Variants in CEP131 observed in about 807,000 individuals in gnomAD.
CEP131 encodes centrosomal protein 131.
In CEP131, 99 loss-of-function variants were observed where a neutral mutation model predicts 136.8. The observed-to-expected ratio is 0.72, with a 90% CI of 0.62 to 0.86. The LOEUF is 0.86. Ranked by LOEUF, CEP131 falls within the 40% of genes least tolerant of loss-of-function variation. CEP131 has a pLI of 0.00. For missense variants in CEP131, 1,459 were observed against 1,463.0 expected, an observed-to-expected ratio of 1.00 and a Z score of 0.04; for synonymous variants, 646 against 612.7, an observed-to-expected ratio of 1.05 and a Z score of -0.80.
Position 81,198,880 on chromosome 17 carries a change from C to A in CEP131, c.1284G>T (p.Thr428=), listed in dbSNP as rs756636631. ...TGAAGGACAGCTGTGCTCAGACCTG[C>A]GTCCTGTCCTCTGGAGGCTGCTGTG... ...PEPQQPPEDR[T]QDVLAQDAAG... The change falls in exon 11 of 26, where the codon ACG becomes ACT. Residue 428 remains threonine (T), a synonymous_variant. Transcript: ENST00000450824. 2 of 1,583,018 alleles carry A rather than the reference C, an allele frequency of 1.3e-6. No individual in the cohort carries two copies. The highest frequency in any genetic ancestry group is 1.7e-4 in the Middle Eastern group (1 of 6,030).
At chr17:81,192,233 G>C (rs2061655329) in intron 21 of CEP131, 85 bp downstream of exon 21, 22 of 1,363,236 alleles carry the variant, frequency 1.6e-5, no homozygotes, top group Non-Finnish European at 2.2e-5. Flanking sequence ...CACAGCAGCA[G>C]CAAAACCCAC....
rs577173678 is a variant in CEP131 at position 81,191,070 on chromosome 17, C to T, written c.2780G>A (p.Arg927Gln). The T allele has an allele frequency of 5.6e-6, 9 of 1,604,672 alleles. No individual in the cohort carries two copies. Among genetic ancestry groups the T allele is most frequent in the African/African-American group, 1.3e-5 (1 of 74,734 alleles). The change falls in exon 23 of 26, where the codon CGG becomes CAG. Residue 927 changes from arginine (R) to glutamine (Q), a missense_variant. By Grantham distance (43) the Arg-to-Gln change is conservative. Around this residue, in one of 3 missense-constraint regions of CEP131, gnomAD observed 1,026 missense variants for 964.2 expected, o/e 1.06. Coordinates refer to ENST00000450824, the MANE Select transcript of CEP131 (RefSeq NM_014984.4). ...GGAGAGCTCGGCCTCGTACTTGTCC[C>T]GTAAGCGCTTGATGCTGGAGGTGGG... is the stretch of plus-strand genomic sequence containing the variant. ...KAAESRIKRL[R>Q]DKYEAELSEL...
intron 5 of CEP131, among the ~76,000 whole-genome samples, chr17:81,206,186 C>T (rs766371242): frequency 1.2e-4 from 19 of 152,206 alleles, no homozygotes; most frequent in South Asian, 6.2e-4. Context: ...CGCACTCCAG[C>T]CTGGTGACAG....
intron 18 of CEP131, among the ~76,000 whole-genome samples, chr17:81,193,191 CAGGTG>C (rs2061681713): frequency 1.3e-5 from 2 of 152,328 alleles, no homozygotes; most frequent in Non-Finnish European, 2.9e-5. Flanking sequence ...GGGCGGGAGG[CAGGTG>C]CCTCGTGGGG....
intron 2 of CEP131, among the ~76,000 whole-genome samples, chr17:81,218,035 C>CTCTT (rs771110776): frequency 4.6e-5 from 7 of 151,312 alleles, no homozygotes; most frequent in East Asian, 1.9e-4. Context: ...CTCCCCCTCC[C>CTCTT]TCTTTCTTTC....
chr17:81,191,855 G>A (rs1174728941), intron 21 of CEP131, among the ~76,000 whole-genome samples: 1 of 152,186 alleles, frequency 6.6e-6, no homozygotes, highest in African/African-American at 2.4e-5. Context: ...GAAACCAGGT[G>A]ACGGGCACGG....
intron 2 of CEP131, among the ~76,000 whole-genome samples, chr17:81,214,819 G>C (rs62075322): frequency 0.39 from 59,722 of 151,526 alleles, 13,922 homozygotes; most frequent in East Asian, 0.63. Flanking sequence ...GTCGCCCAGG[G>C]TGGAGTGCAG....
chr17:81,209,085 T>C, intron 2 of CEP131, 63 bp from the exon 3 acceptor site: 2 of 1,252,774 alleles, frequency 1.6e-6, no homozygotes, highest in Non-Finnish European at 2.3e-6. Flanking sequence ...TTGCTCAGCC[T>C]CCGCCAGCTT....
At chr17:81,204,645 G>A (rs1296845314) in intron 5 of CEP131, among the ~76,000 whole-genome samples, 4 of 151,992 alleles carry the variant, frequency 2.6e-5, no homozygotes, top group Non-Finnish European at 5.9e-5. Context: ...TGGGAATGAG[G>A]ATAAGCAGAG....
At position 81,208,852 on chromosome 17, in the gene CEP131, A is replaced by T; in HGVS notation, c.272+76T>A. 8.7e-7 allele frequency: 1 copy of T among 1,143,038 alleles called. No homozygotes were observed. The highest frequency in any genetic ancestry group is 2.4e-5 in the East Asian group (1 of 41,606). The allele number at this position is 1,143,038 out of a possible 1,614,324, so 70.8% of individuals were successfully genotyped here. A position where few individuals can be genotyped will look rare whatever the true frequency, so the allele number is the denominator to read the frequency against. ...GCTGGAGGAAGGGCAGAGCAGAGGC[A>T]GGGAGGAGCAGGCCAGGGTGGGGCA... On this transcript the variant is annotated intron_variant, in intron 3 of 25. Transcript: ENST00000450824. This position sits in a 1 kb window ranked among gnomAD's most constrained non-coding sequence, Gnocchi z 5.6.
At position 81,190,695 on chromosome 17, in the gene CEP131, G is replaced by A. The variant is rs776115559; in HGVS notation, c.3051C>T (p.Ala1017=). 51 of 1,605,778 alleles carry A rather than the reference G, an allele frequency of 3.2e-5. No individual in the cohort carries two copies. The highest frequency in any genetic ancestry group is 2.9e-4 in the Admixed American group (17 of 59,578). The change falls in exon 24 of 26, where the codon GCC becomes GCT. Residue 1017 remains alanine (A), a synonymous_variant. Coordinates refer to ENST00000450824, the MANE Select transcript of CEP131 (RefSeq NM_014984.4). ...ASEEETRQAK[A]ELATLQARQQ... is the part of the protein sequence containing the mutation. ...GGCGGGCCTGCAGCGTGGCCAGCTC[G>A]GCCTTGGCCTGCCGCGTCTCCTCCT... is the stretch of plus-strand genomic sequence containing the variant.
chr17:81,199,889 A>C, intron 8 of CEP131, 54 bp from the exon 9 acceptor site: 2 of 1,574,658 alleles, frequency 1.3e-6, no homozygotes, highest in Non-Finnish European at 1.7e-6. Context: ...CGGAATCCAG[A>C]CCCAGACCAG....
intron 19 of CEP131, 61 bp downstream of exon 19, chr17:81,192,661 CGGGTGAGGGGGCGG>C: frequency 4.0e-6 from 1 of 249,892 alleles, no homozygotes; most frequent in Non-Finnish European, 6.7e-6. Flanking sequence ...GAGAGGTCAG[CGGGTGAGGGGGCGG>C]GGGGGAGGGG....
At chr17:81,197,603 T>G in intron 13 of CEP131, 109 bp downstream of exon 13, 1 of 1,440,306 alleles carries the variant, frequency 6.9e-7, no homozygotes, top group East Asian at 2.5e-5. Flanking sequence ...CTCCTCCCCC[T>G]GGGGGCCAGG....
At chr17:81,204,279 A>G (rs547553286) in intron 5 of CEP131, among the ~76,000 whole-genome samples, 1 of 152,280 alleles carries the variant, frequency 6.6e-6, no homozygotes, top group East Asian at 1.9e-4. Context: ...TTGAGCCGCT[A>G]GCATCCACCC....
chr17:81,204,582 T>C (rs2061963190), intron 5 of CEP131, among the ~76,000 whole-genome samples: 1 of 151,928 alleles, frequency 6.6e-6, no homozygotes, highest in African/African-American at 2.4e-5. Context: ...CACCAAGACA[T>C]CTGGGCAAAG....
Position 81,198,275 on chromosome 17 carries a change from G to A in CEP131, c.1310C>T (p.Ala437Val). 1 of 1,603,014 alleles carries A rather than the reference G, an allele frequency of 6.2e-7. No individual in the cohort carries two copies. The highest frequency in any genetic ancestry group is 8.5e-7 in the Non-Finnish European group (1 of 1,174,858). Residue 437 changes from alanine (A) to valine (V), a missense_variant, in exon 12 of 26, where the codon GCT (alanine) becomes GTT (valine). Around this residue, in one of 3 missense-constraint regions of CEP131, gnomAD observed 1,026 missense variants for 964.2 expected, o/e 1.06. Transcript: ENST00000450824. ...GGCCATCATCTCCAGGTTGTCCCCAGCTGCATCCTGGGCAAGAACGTCCTG... is the reference window on the plus strand; with the variant it reads ...GGCCATCATCTCCAGGTTGTCCCCAACTGCATCCTGGGCAAGAACGTCCTG... ...RTQDVLAQDA[A>V]GDNLEMMAPS...
Position 81,190,599 on chromosome 17 carries a change from C to CGGTCCT in CEP131, c.3107+39_3107+40insAGGACC, listed in dbSNP as rs775722037. On this transcript the variant is annotated intron_variant, in intron 24 of 25. Coordinates refer to ENST00000450824, the MANE Select transcript of CEP131 (RefSeq NM_014984.4). ...TGCAGAGGTCCTGCCCGCTCCCCTGCCCCGCCTCCGTCTCCAGCCCTGCAG... is the reference window on the plus strand; with the variant it reads ...TGCAGAGGTCCTGCCCGCTCCCCTGCGGTCCTCCCGCCTCCGTCTCCAGCCCTGCAG... 9 of 1,511,860 alleles carry CGGTCCT rather than the reference C, an allele frequency of 6.0e-6. No homozygotes were observed. In the African/African-American group the frequency reaches 1.1e-4, roughly 19 times the overall value. The allele number at this position is 1,511,860 out of a possible 1,614,324, so 93.7% of individuals were successfully genotyped here.
Position 81,217,583 on chromosome 17 carries a change from G to A in CEP131, c.177+2297C>T, listed in dbSNP as rs573467688. ...CCCTGAGGTCACGTCACACACTGGCGGGGGTTCCTCTTCCACCAGCAGTTC... is the reference window on the plus strand; with the variant it reads ...CCCTGAGGTCACGTCACACACTGGCAGGGGTTCCTCTTCCACCAGCAGTTC... On this transcript the variant is annotated intron_variant, in intron 2 of 25. Coordinates refer to ENST00000450824, the MANE Select transcript of CEP131 (RefSeq NM_014984.4). Among the ~76,000 whole-genome samples the A allele has an allele frequency of 7.5e-4, 114 of 152,248 alleles. 1 individual carries two copies. Among genetic ancestry groups the A allele is most frequent in the African/African-American group, 2.6e-3 (106 of 41,560 alleles).
Sources: gnomAD v4.1 joint callset for allele counts (sites outside exome capture counted in the v4.1 genomes callset) on GRCh38, gnomAD v4.1.1 for gene constraint, gnomAD v4.1.1 regional missense constraint, Gnocchi (gnomAD v3.1) non-coding constraint, MANE v1.5 for transcripts, NCBI Gene and HGNC (gene_info 2026-07-23, HGNC 2026-07-21) for gene names.